PYGO1: variants seen among roughly 807,000 people sequenced by gnomAD.
PYGO1 encodes pygopus homolog 1.
A neutral mutation model predicts 29.5 loss-of-function variants in PYGO1; 6 were observed. The ratio of observed to expected loss-of-function variants is 0.20; its 90% CI spans 0.11 to 0.40. The LOEUF (loss-of-function observed/expected upper bound fraction) is 0.40, where lower values mean the gene tolerates loss of function less well. Ranked by LOEUF, PYGO1 falls within the 10% of genes least tolerant of loss-of-function variation. The pLI, the probability that PYGO1 is intolerant of heterozygous loss-of-function variation, is 1.00. For missense variants in PYGO1, 515 were observed against 514.9 expected (o/e 1.00, Z 0.00); for synonymous variants, 186 against 180.5 (o/e 1.03, Z -0.24).
Position 55,546,087 on chromosome 15 carries a change from T to C in PYGO1, c.1196A>G (p.Lys399Arg), listed in dbSNP as rs1167877249. 6.2e-6 allele frequency: 10 copies of C among 1,614,042 alleles called. No individual in the cohort carries two copies. Among genetic ancestry groups the C allele is most frequent in the Non-Finnish European group, 7.6e-6 (9 of 1,180,006 alleles). The part of the protein sequence containing the change: ...VWGCDTCMAD[K>R]DVQLMRTRET... ...TCTAGTACGCATTAACTGGACATCT[T>C]TGTCAGCCATACAGGTATCACAGCC... is the stretch of plus-strand genomic sequence containing the variant. The change falls in exon 3 of 3, where the codon AAA becomes AGA. Residue 399 changes from lysine to arginine, a missense_variant. Physicochemically the swap from Lys to Arg is conservative, Grantham distance 26. Coordinates refer to ENST00000563719, the MANE Select transcript of PYGO1 (RefSeq NM_001367806.1).
At position 55,546,296 on chromosome 15, in the gene PYGO1, T is replaced by C. The variant is rs1274975150; in HGVS notation, c.987A>G (p.Pro329=). ...CAGAAGACGAATGGCCATGACGGTT[T>C]GGGTGAAGAGAGGATTTATTGCTTT... ...TEKSNKSSLH[P]NRHGHSSSDP... The change falls in exon 3 of 3, where the codon CCA becomes CCG. Residue 329 remains proline (P), a synonymous_variant. Transcript: ENST00000563719. 3.7e-6 allele frequency: 6 copies of C among 1,614,180 alleles called. No homozygotes were observed. In the Admixed American group the frequency reaches 1.0e-4, roughly 27 times the overall value.
intron 1 of PYGO1, among the ~76,000 whole-genome samples, chr15:55,580,292 A>G (rs1567060251): frequency 6.6e-6 from 1 of 152,110 alleles, no homozygotes; most frequent in African/African-American, 2.4e-5. Context: ...TTTTTTGTTC[A>G]TTGTTTTCTT....
intron 1 of PYGO1, among the ~76,000 whole-genome samples, chr15:55,575,837 A>G (rs1481757883): frequency 6.6e-6 from 1 of 152,186 alleles, no homozygotes; most frequent in Non-Finnish European, 1.5e-5. Context: ...TACCAGCTTA[A>G]ACAGTATTCC....
At chr15:55,548,751 A>T (rs1335005203) in intron 2 of PYGO1, among the ~76,000 whole-genome samples, 159 bp downstream of exon 2, 1 of 119,904 alleles carries the variant, frequency 8.3e-6, no homozygotes, top group African/African-American at 3.2e-5. Flanking sequence ...AAAAAAAAAG[A>T]AAGTACCATC....
intron 1 of PYGO1, among the ~76,000 whole-genome samples, chr15:55,552,774 G>C (rs1452444235): frequency 6.6e-6 from 1 of 152,102 alleles, no homozygotes; most frequent in Admixed American, 6.6e-5. Flanking sequence ...AGAGACCCAG[G>C]AGTTTTACAT....
At chr15:55,561,810 G>A (rs533601778) in intron 1 of PYGO1, among the ~76,000 whole-genome samples, 15 of 152,188 alleles carry the variant, frequency 9.9e-5, no homozygotes, top group Admixed American at 2.0e-4. Context: ...AAGATTTCAC[G>A]GTGAAAACTC....
chr15:55,566,923 G>A (rs1024910036), intron 1 of PYGO1, among the ~76,000 whole-genome samples: 4 of 152,072 alleles, frequency 2.6e-5, no homozygotes, highest in Non-Finnish European at 5.9e-5. Context: ...GTAGAGAAGG[G>A]GTTTTGCCAT....
At chr15:55,549,287 C>A (rs1307933260) in intron 1 of PYGO1, among the ~76,000 whole-genome samples, 5 of 152,110 alleles carry the variant, frequency 3.3e-5, no homozygotes, top group African/African-American at 4.8e-5. Context: ...ACCACTATTA[C>A]TAGTTTCTGG....
chr15:55,578,295 T>A (rs1201888501), intron 1 of PYGO1, among the ~76,000 whole-genome samples: 1 of 152,206 alleles, frequency 6.6e-6, no homozygotes, highest in Non-Finnish European at 1.5e-5. Context: ...TGAATAATAC[T>A]TCTATAAATA....
intron 1 of PYGO1, among the ~76,000 whole-genome samples, chr15:55,570,592 T>C (rs957708641): frequency 6.6e-6 from 1 of 152,036 alleles, no homozygotes; most frequent in Non-Finnish European, 1.5e-5. Context: ...TGATTTCTTG[T>C]TATAAAATTT....
chr15:55,586,753 G>C (rs1363227257), intron 1 of PYGO1, among the ~76,000 whole-genome samples: 1 of 152,060 alleles, frequency 6.6e-6, no homozygotes, highest in Non-Finnish European at 1.5e-5. Context: ...TTTCCTTTAG[G>C]TCTTTGCTCA....
chr15:55,587,670 C>G (rs997435891), intron 1 of PYGO1, among the ~76,000 whole-genome samples, 165 bp downstream of exon 1: 1 of 151,804 alleles, frequency 6.6e-6, no homozygotes, highest in Non-Finnish European at 1.5e-5. Flanking sequence ...AGCGGGCGCC[C>G]GGGCCGCGCG....
rs749716684 is a variant in PYGO1 at position 55,546,060 on chromosome 15, T to G, written c.1223A>C (p.Glu408Ala). Residue 408 changes from glutamate (E) to alanine (A), a missense_variant, in exon 3 of 3, where the codon GAA becomes GCA. Coordinates refer to ENST00000563719, the MANE Select transcript of PYGO1 (RefSeq NM_001367806.1). Reference sequence around the variant, plus strand: ...GCCCACTGCAGATGGACCAAAAGTTTCTCTAGTACGCATTAACTGGACATC... The same window carrying G: ...GCCCACTGCAGATGGACCAAAAGTTGCTCTAGTACGCATTAACTGGACATC... ...DKDVQLMRTR[E>A]TFGPSAVGSD... 9.3e-6 allele frequency: 15 copies of G among 1,612,730 alleles called. No homozygotes were observed. The South Asian group carries it at 1.6e-4, about 18-fold the overall frequency.
intron 1 of PYGO1, among the ~76,000 whole-genome samples, chr15:55,556,968 G>A (rs1398170110): frequency 6.6e-6 from 1 of 151,832 alleles, no homozygotes; most frequent in Non-Finnish European, 1.5e-5. Context: ...TTAAAGAATA[G>A]TAACAAGTTC....
chr15:55,542,789 T>A lies in PYGO1; in HGVS notation c.*3234A>T, dbSNP rs2058833285. 6.6e-6 allele frequency: 1 copy of A among 151,668 alleles called. No homozygotes were observed. Among genetic ancestry groups the A allele is most frequent in the Non-Finnish European group, 1.5e-5 (1 of 67,994 alleles). 9.4% of individuals were successfully genotyped at this position (151,668 alleles called of 1,614,324 possible). ...ACTAAAAATACAAAAATTAGCCAGG[T>A]GTGATGGTGGGCGACTGTAATCCCA... On this transcript the variant is annotated 3_prime_UTR_variant, in exon 3 of 3. Coordinates refer to ENST00000563719, the MANE Select transcript of PYGO1 (RefSeq NM_001367806.1).
At chr15:55,548,750 G>GA (rs1226465596) in intron 2 of PYGO1, among the ~76,000 whole-genome samples, 160 bp downstream of exon 2, 1 of 67,910 alleles carries the variant, frequency 1.5e-5, no homozygotes, top group Non-Finnish European at 3.0e-5. Context: ...AAAAAAAAAA[G>GA]AAAGTACCAT....
chr15:55,588,563 C>T (rs963132053), upstream of PYGO1, among the ~76,000 whole-genome samples: 1 of 145,392 alleles, frequency 6.9e-6, no homozygotes, highest in Non-Finnish European at 1.5e-5. Context: ...GCGCCTCTTG[C>T]TCCAAGCCGG....
chr15:55,578,403 C>A (rs1390832636), intron 1 of PYGO1, among the ~76,000 whole-genome samples: 1 of 152,026 alleles, frequency 6.6e-6, no homozygotes, highest in East Asian at 1.9e-4. Context: ...GGTCACATAG[C>A]AATTTTATGT....
chr15:55,586,893 G>A (rs1270171760), intron 1 of PYGO1, among the ~76,000 whole-genome samples: 1 of 152,130 alleles, frequency 6.6e-6, no homozygotes, highest in African/African-American at 2.4e-5. Flanking sequence ...TTGACATTCT[G>A]TATCTACTGT....
Sources: allele counts gnomAD v4.1 joint callset (sites outside exome capture counted in the v4.1 genomes callset), GRCh38; gene constraint gnomAD v4.1.1; transcripts MANE v1.5; gene names NCBI Gene and HGNC (gene_info 2026-07-23, HGNC 2026-07-21).